Variants in RAB27A observed in about 807,000 individuals in gnomAD.
RAB27A encodes RAB27A, member RAS oncogene family.
In RAB27A, 17 loss-of-function variants were observed where a neutral mutation model predicts 20.8. The observed-to-expected ratio is 0.82, with a 90% confidence interval of 0.56 to 1.23. The LOEUF (loss-of-function observed/expected upper bound fraction) is 1.23. Ranked by LOEUF, RAB27A falls within the 50% of genes most tolerant of loss-of-function variation. The pLI is 0.00. For missense variants in RAB27A, 277 were observed against 266.7 expected (o/e 1.04, Z -0.27); for synonymous variants, 85 against 92.8 (o/e 0.92, Z 0.48).
Position 55,261,907 on chromosome 15 carries a change from T to C in RAB27A, c.-23+8258A>G, listed in dbSNP as rs545155934. Among the ~76,000 whole-genome samples, 164 of 151,134 alleles carry C rather than the reference T, an allele frequency of 1.1e-3. 1 individual carries two copies. The highest frequency in any genetic ancestry group is 3.4e-3 in the Middle Eastern group (1 of 294). On this transcript the variant is annotated intron_variant, in intron 2 of 6. Coordinates refer to ENST00000336787, the MANE Select transcript of RAB27A (RefSeq NM_183235.3). Reference sequence around the variant, plus strand: ...ACAAAATTAGCTGGGCATGGTGGCATGCACCTGTAATCCCAGCTACTCGGG... The same window carrying C: ...ACAAAATTAGCTGGGCATGGTGGCACGCACCTGTAATCCCAGCTACTCGGG...
intron 1 of RAB27A, among the ~76,000 whole-genome samples, chr15:55,276,361 CAT>C (rs1392879094): frequency 6.6e-6 from 1 of 152,160 alleles, no homozygotes; most frequent in African/African-American, 2.4e-5. Context: ...AAGCCAGACA[CAT>C]AAAGAAAAAT....
At chr15:55,254,230 A>G (rs564590526) in intron 2 of RAB27A, among the ~76,000 whole-genome samples, 11 of 152,300 alleles carry the variant, frequency 7.2e-5, no homozygotes, top group African/African-American at 1.9e-4. Context: ...TTTTTAAAGA[A>G]AGAAATATTA....
intron 6 of RAB27A, chr15:55,206,165 T>C (rs1894641063): frequency 9.3e-6 from 2 of 213,996 alleles, no homozygotes; most frequent in South Asian, 1.7e-4. Flanking sequence ...GAGCCAATAT[T>C]GTGCCACCGC....
At chr15:55,255,608 G>C (rs1248006900) in intron 2 of RAB27A, among the ~76,000 whole-genome samples, 3 of 152,050 alleles carry the variant, frequency 2.0e-5, no homozygotes, top group Non-Finnish European at 4.4e-5. Flanking sequence ...AAGTGTTTGG[G>C]GACTCCACTG....
chr15:55,226,595 C>T (rs571220309), intron 5 of RAB27A, among the ~76,000 whole-genome samples: 55 of 152,146 alleles, frequency 3.6e-4, no homozygotes, highest in African/African-American at 1.3e-3. Context: ...ATGGGCCGGG[C>T]ACTGTGGCTC....
At chr15:55,228,068 C>T (rs1391631650) in intron 5 of RAB27A, among the ~76,000 whole-genome samples, 1 of 152,144 alleles carries the variant, frequency 6.6e-6, no homozygotes, top group South Asian at 2.1e-4. Context: ...ACCACTTTTA[C>T]CAATGCAGTT....
chr15:55,292,210 G>C (rs144464164), upstream of RAB27A, among the ~76,000 whole-genome samples: 1 of 152,314 alleles, frequency 6.6e-6, no homozygotes, highest in African/African-American at 2.4e-5. Flanking sequence ...CTATGAGTCA[G>C]CCAATATGCT....
At chr15:55,300,216 G>T (rs1208866838) in intron 2 of RAB27A, among the ~76,000 whole-genome samples, 1 of 152,136 alleles carries the variant, frequency 6.6e-6, no homozygotes, top group African/African-American at 2.4e-5. Flanking sequence ...ACCTGCGTAT[G>T]ACTTACTCTC....
At chr15:55,279,348 C>A (rs892695976) in intron 1 of RAB27A, among the ~76,000 whole-genome samples, 3 of 152,156 alleles carry the variant, frequency 2.0e-5, no homozygotes, top group African/African-American at 7.2e-5. Context: ...GCAGAATCAC[C>A]TAGGATATGT....
At chr15:55,223,558 G>A (rs762876248) in intron 6 of RAB27A, among the ~76,000 whole-genome samples, 3 of 151,764 alleles carry the variant, frequency 2.0e-5, no homozygotes, top group Non-Finnish European at 4.4e-5. Context: ...CGCTCAACAT[G>A]GAGGATTTCT....
chr15:55,241,031 T>G (rs1168659862), intron 2 of RAB27A, among the ~76,000 whole-genome samples: 1 of 152,192 alleles, frequency 6.6e-6, no homozygotes, highest in Non-Finnish European at 1.5e-5. Context: ...GCACAGGACA[T>G]AGTAAGTTCT....
chr15:55,233,103 C>A lies in RAB27A; in HGVS notation c.153+1679G>T, dbSNP rs372798054. Among the ~76,000 whole-genome samples the A allele has an allele frequency of 6.6e-5, 10 of 151,714 alleles. No individual in the cohort carries two copies. In the South Asian group the frequency reaches 1.0e-3, roughly 16 times the overall value. On this transcript the variant is annotated intron_variant, in intron 3 of 6. Transcript: ENST00000336787. ...TCTCACCACTGCACTCCAGTCTGAG[C>A]AACAGAGAGAGACCCTGTCTCAAAA...
chr15:55,278,781 C>A (rs956538963), intron 1 of RAB27A, among the ~76,000 whole-genome samples: 6 of 152,126 alleles, frequency 3.9e-5, no homozygotes, highest in South Asian at 2.1e-4. Context: ...CGCACCTGGC[C>A]CAGTCTTCTA....
At chr15:55,240,775 T>C (rs1410659535) in intron 2 of RAB27A, among the ~76,000 whole-genome samples, 1 of 152,212 alleles carries the variant, frequency 6.6e-6, no homozygotes, top group Non-Finnish European at 1.5e-5. Context: ...TGCTTTCTTA[T>C]TTTAACTTCT....
At chr15:55,277,858 T>C (rs1016268672) in intron 1 of RAB27A, among the ~76,000 whole-genome samples, 1 of 152,208 alleles carries the variant, frequency 6.6e-6, no homozygotes, top group Admixed American at 6.5e-5. Context: ...GACTGAGTTA[T>C]AGCACTGAAA....
In RAB27A at chr15:55,279,442, T is replaced by C. The variant is rs550328071; in HGVS notation, c.-142-9158A>G. Among the ~76,000 whole-genome samples, 10 of 152,204 alleles carry C rather than the reference T, an allele frequency of 6.6e-5. No homozygotes were observed. The East Asian group carries it at 1.7e-3, about 26-fold the overall frequency. ...GAGGCCTAGGGAATCTGCATTTATA[T>C]CAAGCTTCCCAGGGGCTTTCTGGTT... On this transcript the variant is annotated intron_variant, in intron 1 of 6. Transcript: ENST00000336787.
At chr15:55,233,100 G>A (rs1189997941) in intron 3 of RAB27A, among the ~76,000 whole-genome samples, 1 of 152,002 alleles carries the variant, frequency 6.6e-6, no homozygotes, top group Non-Finnish European at 1.5e-5. Flanking sequence ...ACTCCAGTCT[G>A]AGCAACAGAG....
chr15:55,279,908 A>T lies in RAB27A; in HGVS notation c.-142-9624T>A, dbSNP rs192086337. On this transcript the variant is annotated intron_variant, in intron 1 of 6. Transcript: ENST00000336787. ...ATTGAGTCATGAAATGTACTTGTAG[A>T]CAGTGGTTCTCAAGCTTCGGGGTGC... Among the ~76,000 whole-genome samples, 20 of 152,250 alleles carry T rather than the reference A, an allele frequency of 1.3e-4. No individual in the cohort carries two copies. In the East Asian group the frequency reaches 3.5e-3, roughly 27 times the overall value.
chr15:55,227,084 T>C (rs1261891662), intron 5 of RAB27A, among the ~76,000 whole-genome samples: 2 of 152,202 alleles, frequency 1.3e-5, no homozygotes, highest in East Asian at 1.9e-4. Flanking sequence ...CTTCAATACG[T>C]ATAAGTGTTC....
Sources: gnomAD v4.1 joint callset for allele counts (sites outside exome capture counted in the v4.1 genomes callset) on GRCh38, gnomAD v4.1.1 for gene constraint, MANE v1.5 for transcripts, NCBI Gene and HGNC (gene_info 2026-07-23, HGNC 2026-07-21) for gene names.